Variants in NKAIN2 observed in about 807,000 individuals in gnomAD.
NKAIN2 encodes the protein sodium/potassium-transporting ATPase subunit beta-1-interacting protein 2.
NKAIN2 carries 14 observed loss-of-function variants against 32.6 expected under a neutral mutation model. The observed-to-expected ratio is 0.43, with a 90% CI of 0.28 to 0.67. The LOEUF (loss-of-function observed/expected upper bound fraction) is 0.67, where lower values mean the gene tolerates loss of function less well. Among genes scored for constraint, NKAIN2 ranks in the 30% least tolerant of loss-of-function variants. The probability of loss-of-function intolerance (pLI) is 0.17; values close to 1 mark genes in which losing one functional copy is unlikely to be tolerated. For missense variants in NKAIN2, 198 were observed against 258.3 expected (o/e 0.77, Z 1.60); for synonymous variants, 80 against 87.2 (o/e 0.92, Z 0.46).
At chr6:124,496,619 A>T (rs1778072971) in intron 3 of NKAIN2, among the ~76,000 whole-genome samples, 1 of 152,116 alleles carries the variant, frequency 6.6e-6, no homozygotes, top group South Asian at 2.1e-4. Context: ...ATAACTTCAT[A>T]GGTGGCCTTT....
intron 1 of NKAIN2, among the ~76,000 whole-genome samples, chr6:124,238,765 G>C (rs571882801): frequency 9.2e-5 from 14 of 152,232 alleles, no homozygotes; most frequent in African/African-American, 3.1e-4. Context: ...CCTTACAAGA[G>C]CTCCTGAAGG....
At chr6:124,475,717 T>C (rs756756253) in intron 3 of NKAIN2, among the ~76,000 whole-genome samples, 30 of 152,150 alleles carry the variant, frequency 2.0e-4, no homozygotes, top group Non-Finnish European at 3.5e-4. Flanking sequence ...AACCAGATTA[T>C]GGTGAGCTGT....
chr6:124,491,743 C>T (rs74656594), intron 3 of NKAIN2, among the ~76,000 whole-genome samples: 10,013 of 151,838 alleles, frequency 0.066, 370 homozygotes, highest in East Asian at 0.15. Context: ...TACGATGTGG[C>T]GGAAAATGTT....
chr6:124,737,556 G>T (rs949741037), intron 4 of NKAIN2, among the ~76,000 whole-genome samples: 1 of 151,856 alleles, frequency 6.6e-6, no homozygotes, highest in Non-Finnish European at 1.5e-5. Flanking sequence ...TGTGGAAGCA[G>T]CTTTGGAACT....
chr6:124,617,578 G>A (rs1239131328), intron 3 of NKAIN2, among the ~76,000 whole-genome samples: 3 of 151,974 alleles, frequency 2.0e-5, no homozygotes, highest in Non-Finnish European at 4.4e-5. Context: ...TCATATTATG[G>A]TATTTCCTAG....
chr6:124,121,836 C>G (rs1037087748), intron 1 of NKAIN2: 2 of 767,132 alleles, frequency 2.6e-6, no homozygotes, highest in African/African-American at 3.7e-5. Flanking sequence ...AAATGGGTCA[C>G]CCTCTAATCA....
At chr6:124,623,251 T>C (rs1042515540) in intron 3 of NKAIN2, among the ~76,000 whole-genome samples, 1 of 152,132 alleles carries the variant, frequency 6.6e-6, no homozygotes, top group East Asian at 1.9e-4. Flanking sequence ...TTTTAAGTGA[T>C]ATCATTCACC....
chr6:123,841,062 C>A (rs1477268042), intron 1 of NKAIN2, among the ~76,000 whole-genome samples: 1 of 151,864 alleles, frequency 6.6e-6, no homozygotes, highest in African/African-American at 2.4e-5. Flanking sequence ...AATGTCCAAA[C>A]TCAGGTACTT....
intron 3 of NKAIN2, among the ~76,000 whole-genome samples, chr6:124,638,760 G>A (rs1245929255): frequency 6.6e-6 from 1 of 151,736 alleles, no homozygotes; most frequent in Non-Finnish European, 1.5e-5. Context: ...ACGTGGTAGT[G>A]GACGCCTGTA....
At chr6:124,691,477 G>A (rs1208251462) in intron 4 of NKAIN2, among the ~76,000 whole-genome samples, 4 of 152,090 alleles carry the variant, frequency 2.6e-5, no homozygotes, top group African/African-American at 9.7e-5. Flanking sequence ...TGGCTCTTCA[G>A]ATGAGTTCCT....
intron 1 of NKAIN2, among the ~76,000 whole-genome samples, chr6:124,097,164 C>G (rs1180179378): frequency 2.0e-5 from 3 of 151,932 alleles, no homozygotes; most frequent in Non-Finnish European, 4.4e-5. Context: ...AATCCCAGCA[C>G]TTTGGGAGGC....
chr6:124,449,706 G>T (rs953994844), intron 3 of NKAIN2, among the ~76,000 whole-genome samples: 8 of 151,798 alleles, frequency 5.3e-5, no homozygotes, highest in Non-Finnish European at 1.0e-4. Context: ...ACACCCACAT[G>T]TCAAATTTCA....
At chr6:123,872,184 A>G (rs1186353654) in intron 1 of NKAIN2, among the ~76,000 whole-genome samples, 2 of 152,198 alleles carry the variant, frequency 1.3e-5, no homozygotes, top group Non-Finnish European at 2.9e-5. Flanking sequence ...ACCTGAGGTG[A>G]GGATTCAAGT....
chr6:124,090,427 T>C (rs1784365187), intron 1 of NKAIN2, among the ~76,000 whole-genome samples: 1 of 151,928 alleles, frequency 6.6e-6, no homozygotes, highest in Admixed American at 6.6e-5. Flanking sequence ...TATAATAGGA[T>C]AATGGTCATA....
intron 1 of NKAIN2, among the ~76,000 whole-genome samples, chr6:123,960,331 T>C (rs1259923748): frequency 2.0e-5 from 3 of 152,188 alleles, no homozygotes; most frequent in Non-Finnish European, 4.4e-5. Flanking sequence ...AAGCCCTTGC[T>C]GTTGTCATCA....
At chr6:124,119,590 C>T (rs1020200314) in intron 1 of NKAIN2, among the ~76,000 whole-genome samples, 28 of 152,236 alleles carry the variant, frequency 1.8e-4, no homozygotes, top group African/African-American at 4.3e-4. Context: ...AACTCACAGA[C>T]GTATTTGCTT....
chr6:123,837,703 C>G (rs891906799), intron 1 of NKAIN2, among the ~76,000 whole-genome samples: 1 of 152,132 alleles, frequency 6.6e-6, no homozygotes, highest in East Asian at 1.9e-4. Context: ...GAAGTCCTTA[C>G]TATGCTCTGA....
chr6:124,088,598 T>C (rs1784292556), intron 1 of NKAIN2, among the ~76,000 whole-genome samples: 1 of 152,054 alleles, frequency 6.6e-6, no homozygotes, highest in Non-Finnish European at 1.5e-5. Context: ...TCTCTAGTAC[T>C]GTTGCTTTCT....
chr6:124,418,518 T>A (rs1010862555), intron 3 of NKAIN2, among the ~76,000 whole-genome samples: 5 of 147,880 alleles, frequency 3.4e-5, no homozygotes, highest in African/African-American at 1.2e-4. Flanking sequence ...ATATATGATA[T>A]ATATACTTTA....
Sources: allele counts gnomAD v4.1 joint callset (sites outside exome capture counted in the v4.1 genomes callset), GRCh38; gene constraint gnomAD v4.1.1; transcripts MANE v1.5; gene names NCBI Gene and HGNC (gene_info 2026-07-23, HGNC 2026-07-21).